Variants in WWOX observed in about 807,000 individuals in gnomAD.
WWOX encodes the protein WW domain-containing oxidoreductase.
Under a neutral mutation model 46.2 loss-of-function variants are expected in WWOX, and 69 were observed. The ratio of observed to expected loss-of-function variants is 1.49; its 90% CI spans 1.23 to 1.82. The LOEUF (loss-of-function observed/expected upper bound fraction) is 1.82. WWOX is among the 40% of genes most tolerant of loss of function. The pLI is 0.00. For missense variants in WWOX, 919 were observed against 542.6 expected, an observed-to-expected ratio of 1.69 and a Z score of -6.89; for synonymous variants, 359 against 202.6, an observed-to-expected ratio of 1.77 and a Z score of -6.56.
At chr16:78,936,799 C>A (rs1473558105) in intron 8 of WWOX, among the ~76,000 whole-genome samples, 1 of 152,138 alleles carries the variant, frequency 6.6e-6, no homozygotes, top group Non-Finnish European at 1.5e-5. Flanking sequence ...TGAAGTATGT[C>A]TAGAGTATGG....
intron 8 of WWOX, among the ~76,000 whole-genome samples, chr16:78,732,667 C>T (rs924874525): frequency 6.6e-6 from 1 of 152,088 alleles, no homozygotes; most frequent in Non-Finnish European, 1.5e-5. Flanking sequence ...TAACTAACCA[C>T]CTAGATAGGT....
chr16:79,135,850 A>C (rs1306476600), intron 8 of WWOX, among the ~76,000 whole-genome samples: 1 of 151,994 alleles, frequency 6.6e-6, no homozygotes, highest in Non-Finnish European at 1.5e-5. Flanking sequence ...TTGACCATTC[A>C]CATTTCTTCT....
chr16:78,639,192 T>C (rs1469154776), intron 8 of WWOX, among the ~76,000 whole-genome samples: 2 of 152,216 alleles, frequency 1.3e-5, no homozygotes, highest in African/African-American at 4.8e-5. Context: ...ACTCCCAGGA[T>C]GTACAAAGTA....
At chr16:79,196,402 C>G (rs1339581907) in intron 8 of WWOX, 1 of 152,062 alleles carries the variant, frequency 6.6e-6, no homozygotes, top group Non-Finnish European at 1.5e-5. Flanking sequence ...CAGTTTGAAC[C>G]GAGGGACCTT....
At chr16:78,809,662 C>G (rs185451623) in intron 8 of WWOX, among the ~76,000 whole-genome samples, 2 of 152,252 alleles carry the variant, frequency 1.3e-5, no homozygotes, top group African/African-American at 4.8e-5. Flanking sequence ...ACCCCTGTTT[C>G]CAGATGCCTT....
intron 3 of WWOX, among the ~76,000 whole-genome samples, chr16:78,111,403 C>A (rs191011728): frequency 6.6e-6 from 1 of 152,142 alleles, no homozygotes; most frequent in Non-Finnish European, 1.5e-5. Flanking sequence ...CTAGGAATAA[C>A]TGGCATGTAT....
intron 5 of WWOX, among the ~76,000 whole-genome samples, chr16:78,219,088 A>G (rs2036810682): frequency 6.6e-6 from 1 of 152,226 alleles, no homozygotes; most frequent in Admixed American, 6.5e-5. Context: ...TTGAGGAAAC[A>G]TTGAAACACA....
chr16:78,470,004 G>A (rs979042911), intron 8 of WWOX, among the ~76,000 whole-genome samples: 3 of 152,256 alleles, frequency 2.0e-5, no homozygotes, highest in Non-Finnish European at 2.9e-5. Context: ...AAGCACGCCT[G>A]TGCACAGTTG....
At chr16:78,326,028 A>C (rs1486220715) in intron 5 of WWOX, among the ~76,000 whole-genome samples, 1 of 152,198 alleles carries the variant, frequency 6.6e-6, no homozygotes, top group Non-Finnish European at 1.5e-5. Context: ...GCTCAGAGTT[A>C]TCTAGCATTG....
chr16:78,702,666 C>CAAA (rs59090960), intron 8 of WWOX, among the ~76,000 whole-genome samples: 1 of 134,520 alleles, frequency 7.4e-6, no homozygotes, highest in East Asian at 2.2e-4. Flanking sequence ...AAAAAAAGAA[C>CAAA]AAAAAAAAAA....
intron 8 of WWOX, among the ~76,000 whole-genome samples, chr16:78,753,224 C>A (rs1038239184): frequency 6.6e-6 from 1 of 151,908 alleles, no homozygotes; most frequent in African/African-American, 2.4e-5. Flanking sequence ...GGTGTGAATC[C>A]GGGAGGCGGA....
intron 8 of WWOX, among the ~76,000 whole-genome samples, chr16:78,984,079 T>C (rs2046737215): frequency 6.6e-6 from 1 of 151,950 alleles, no homozygotes; most frequent in Non-Finnish European, 1.5e-5. Flanking sequence ...AGGGTTTCAC[T>C]GTCTTAGCCA....
At chr16:79,181,936 A>T (rs893485106) in intron 8 of WWOX, among the ~76,000 whole-genome samples, 1 of 152,190 alleles carries the variant, frequency 6.6e-6, no homozygotes, top group Non-Finnish European at 1.5e-5. Flanking sequence ...TACAAACATC[A>T]TTCGTTTGAA....
At chr16:78,132,105 A>G (rs947628255) in intron 4 of WWOX, among the ~76,000 whole-genome samples, 1 of 149,472 alleles carries the variant, frequency 6.7e-6, no homozygotes, top group Non-Finnish European at 1.5e-5. Context: ...GCTCACTGCA[A>G]GCTCCACCTC....
At chr16:78,642,981 A>G (rs141837984) in intron 8 of WWOX, among the ~76,000 whole-genome samples, 1 of 152,296 alleles carries the variant, frequency 6.6e-6, no homozygotes, top group African/African-American at 2.4e-5. Context: ...TAAGGATTAA[A>G]TCAGTTCATG....
intron 8 of WWOX, among the ~76,000 whole-genome samples, chr16:79,113,431 C>G (rs1055329062): frequency 9.2e-5 from 14 of 152,234 alleles, no homozygotes; most frequent in Non-Finnish European, 1.8e-4. Flanking sequence ...TCAGGACATT[C>G]ACATCCAGGC....
intron 8 of WWOX, among the ~76,000 whole-genome samples, chr16:78,694,835 T>C (rs998059772): frequency 5.3e-5 from 8 of 151,952 alleles, no homozygotes; most frequent in African/African-American, 1.2e-4. Context: ...TTTTTTTTTT[T>C]CCGCTGCATT....
intron 5 of WWOX, among the ~76,000 whole-genome samples, chr16:78,282,801 C>G (rs996909472): frequency 6.7e-6 from 1 of 149,442 alleles, no homozygotes; most frequent in African/African-American, 2.5e-5. Context: ...TCGCTTGAAC[C>G]TCGGAGGTGG....
At chr16:78,806,609 T>C (rs1404579423) in intron 8 of WWOX, among the ~76,000 whole-genome samples, 1 of 152,118 alleles carries the variant, frequency 6.6e-6, no homozygotes, top group African/African-American at 2.4e-5. Context: ...ACCCTGAGCT[T>C]CCTCACAATA....
Sources: allele counts gnomAD v4.1 joint callset (sites outside exome capture counted in the v4.1 genomes callset), GRCh38; gene constraint gnomAD v4.1.1; transcripts MANE v1.5; gene names NCBI Gene and HGNC (gene_info 2026-07-23, HGNC 2026-07-21).